Variants in NUDT3 observed in about 807,000 individuals in gnomAD.
NUDT3 encodes the protein diphosphoinositol polyphosphate phosphohydrolase 1.
A neutral mutation model predicts 23.6 loss-of-function variants in NUDT3; 9 were observed. The ratio of observed to expected loss-of-function variants is 0.38; its 90% CI spans 0.23 to 0.66. The LOEUF (loss-of-function observed/expected upper bound fraction) is 0.66. NUDT3 is among the 30% of genes least tolerant of loss of function. NUDT3 has a pLI of 0.52. For synonymous variants in NUDT3, 86 were observed against 82.6 expected, an observed-to-expected ratio of 1.04 and a Z score of -0.22; for missense variants, 172 against 218.5, an observed-to-expected ratio of 0.79 and a Z score of 1.34.
At chr6:34,297,624 G>A (rs1309367686) in intron 2 of NUDT3, among the ~76,000 whole-genome samples, 1 of 142,874 alleles carries the variant, frequency 7.0e-6, no homozygotes, top group African/African-American at 2.6e-5. Flanking sequence ...TACAACCTCC[G>A]TCTCCCAGGT....
chr6:34,340,762 T>C (rs1764275500), intron 2 of NUDT3, among the ~76,000 whole-genome samples: 1 of 152,238 alleles, frequency 6.6e-6, no homozygotes, highest in South Asian at 2.1e-4. Context: ...TTCACCTAGC[T>C]GTGTACTAGG....
intron 1 of NUDT3, among the ~76,000 whole-genome samples, chr6:34,370,381 G>A (rs1764807797): frequency 6.6e-6 from 1 of 152,196 alleles, no homozygotes; most frequent in African/African-American, 2.4e-5. Context: ...GCCTCAAAGT[G>A]GCGGCTACAA....
intron 2 of NUDT3, among the ~76,000 whole-genome samples, chr6:34,340,494 GCAGCTATTAACTGA>G (rs1764272077): frequency 6.6e-6 from 1 of 152,138 alleles, no homozygotes; most frequent in African/African-American, 2.4e-5. Flanking sequence ...CATAGGTCAC[GCAGCTATTAACTGA>G]CAGTAACAGA....
intron 1 of NUDT3, among the ~76,000 whole-genome samples, chr6:34,357,201 G>T (rs968459915): frequency 6.6e-6 from 1 of 152,148 alleles, no homozygotes; most frequent in Admixed American, 6.5e-5. Context: ...GAGTGATTAC[G>T]AATATACATC....
chr6:34,388,364 A>G (rs1331490410), intron 1 of NUDT3, among the ~76,000 whole-genome samples: 1 of 152,154 alleles, frequency 6.6e-6, no homozygotes, highest in African/African-American at 2.4e-5. Context: ...GGTCCTATTT[A>G]TACTTATATT....
chr6:34,354,435 A>ACACACACT (rs1210510268), intron 1 of NUDT3, among the ~76,000 whole-genome samples: 14 of 146,966 alleles, frequency 9.5e-5, no homozygotes, highest in African/African-American at 3.3e-4. Context: ...ACACATACAC[A>ACACACACT]CTCTTGGCCG....
intron 3 of NUDT3, among the ~76,000 whole-genome samples, chr6:34,294,153 T>A (rs1763465348): frequency 6.6e-6 from 1 of 152,118 alleles, no homozygotes. Flanking sequence ...GCCCTGCTAA[T>A]TTTTGTATTT....
intron 1 of NUDT3, among the ~76,000 whole-genome samples, chr6:34,359,255 C>A (rs1764611540): frequency 6.6e-6 from 1 of 152,084 alleles, no homozygotes. Context: ...CGCCTGTAGT[C>A]CCAGCTACTT....
intron 1 of NUDT3, among the ~76,000 whole-genome samples, chr6:34,360,441 G>T (rs987057173): frequency 6.6e-6 from 1 of 151,932 alleles, no homozygotes; most frequent in Non-Finnish European, 1.5e-5. Flanking sequence ...AGGCATGGTG[G>T]TGGGCACTTG....
chr6:34,338,622 G>A (rs1018840014), intron 2 of NUDT3, among the ~76,000 whole-genome samples: 3 of 152,186 alleles, frequency 2.0e-5, no homozygotes, highest in African/African-American at 4.8e-5. Flanking sequence ...TGAGGAAGGT[G>A]CAGACTCTGA....
At chr6:34,289,065 C>T (rs1454990652) in intron 4 of NUDT3, 134 bp from the exon 5 acceptor site, 1 of 1,117,628 alleles carries the variant, frequency 8.9e-7, no homozygotes, top group Admixed American at 3.4e-5. Flanking sequence ...AACTCAAGCA[C>T]ACTTCATATG....
chr6:34,302,079 A>T (rs6924982), intron 2 of NUDT3, among the ~76,000 whole-genome samples: 51,131 of 151,926 alleles, frequency 0.34, 10,454 homozygotes, highest in African/African-American at 0.54. Context: ...TAGCCCAGGC[A>T]GGAGTACAGT....
At chr6:34,380,481 T>C (rs1240897920) in intron 1 of NUDT3, among the ~76,000 whole-genome samples, 2 of 152,044 alleles carry the variant, frequency 1.3e-5, no homozygotes, top group African/African-American at 2.4e-5. Context: ...GCCTCCCAAA[T>C]AGGTGAGATT....
intron 1 of NUDT3, among the ~76,000 whole-genome samples, chr6:34,352,243 C>A (rs563063362): frequency 6.6e-6 from 1 of 152,160 alleles, no homozygotes; most frequent in Non-Finnish European, 1.5e-5. Flanking sequence ...TGGCTCACTG[C>A]AGCCTCAACT....
chr6:34,373,136 G>A (rs911257551), intron 1 of NUDT3, among the ~76,000 whole-genome samples: 10 of 150,736 alleles, frequency 6.6e-5, no homozygotes, highest in Admixed American at 3.3e-4. Flanking sequence ...AAAATTAGCC[G>A]GGCATGGTGG....
At chr6:34,380,650 C>A (rs1299664946) in intron 1 of NUDT3, among the ~76,000 whole-genome samples, 2 of 152,322 alleles carry the variant, frequency 1.3e-5, no homozygotes, top group East Asian at 3.9e-4. Flanking sequence ...CTGTTGAGAT[C>A]TTTGTTTTCA....
chr6:34,386,518 C>T (rs1270567478), intron 1 of NUDT3, among the ~76,000 whole-genome samples: 2 of 152,036 alleles, frequency 1.3e-5, no homozygotes, highest in African/African-American at 4.8e-5. Flanking sequence ...GTTGACACAT[C>T]CTAACCTGGA....
At chr6:34,336,154 C>T (rs932375720) in intron 2 of NUDT3, among the ~76,000 whole-genome samples, 5 of 151,894 alleles carry the variant, frequency 3.3e-5, no homozygotes, top group African/African-American at 9.7e-5. Flanking sequence ...CTGTAATCCC[C>T]GCTACTTGGG....
At chr6:34,348,861 TTC>T (rs1332428249) in intron 1 of NUDT3, among the ~76,000 whole-genome samples, 1 of 150,064 alleles carries the variant, frequency 6.7e-6, no homozygotes. Flanking sequence ...ATGGGAAGGT[TTC>T]TCTTTTTTTT....
Sources: allele counts gnomAD v4.1 joint callset (sites outside exome capture counted in the v4.1 genomes callset), GRCh38; gene constraint gnomAD v4.1.1; transcripts MANE v1.5; gene names NCBI Gene and HGNC (gene_info 2026-07-23, HGNC 2026-07-21).